CLCA4: variants seen among roughly 807,000 people sequenced by gnomAD.
CLCA4 encodes the protein chloride channel accessory 4, also known as calcium-activated chloride channel regulator 4.
In CLCA4, 69 loss-of-function variants were observed where a neutral mutation model predicts 78.9. The observed-to-expected ratio is 0.87, with a 90% CI of 0.72 to 1.07. The LOEUF (loss-of-function observed/expected upper bound fraction) is 1.07. CLCA4 is among the 50% of genes least tolerant of loss of function. CLCA4 has a pLI of 0.00. For synonymous variants in CLCA4, 362 were observed against 375.8 expected (o/e 0.96, Z 0.42); for missense variants, 1,133 against 1,095.8 (o/e 1.03, Z -0.48).
chr1:86,567,870 T>A (rs1169236267), intron 7 of CLCA4, among the ~76,000 whole-genome samples: 1 of 152,004 alleles, frequency 6.6e-6, no homozygotes, highest in African/African-American at 2.4e-5. Context: ...AATTTACCAC[T>A]CACTTACAAG....
Position 86,560,312 on chromosome 1 carries a change from C to T in CLCA4, c.402C>T (p.Thr134=), listed in dbSNP as rs1649980472. The change falls in exon 3 of 14, where the codon ACC becomes ACT. Residue 134 remains threonine (T), a synonymous_variant. Coordinates refer to ENST00000370563, the MANE Select transcript of CLCA4 (RefSeq NM_012128.4). ...AGAAAGGCGAATACATTCACTTCAC[C>T]CCTGACCTTCTACTTGGAAAAAAAC... The part of the protein sequence containing the change: ...CGEKGEYIHF[T]PDLLLGKKQN... The T allele has an allele frequency of 1.2e-6, 2 of 1,613,852 alleles. No individual in the cohort carries two copies. The highest frequency in any genetic ancestry group is 1.3e-5 in the African/African-American group (1 of 74,886).
chr1:86,561,940 A>T (rs747121636), intron 3 of CLCA4, among the ~76,000 whole-genome samples: 4 of 152,182 alleles, frequency 2.6e-5, no homozygotes, highest in Non-Finnish European at 5.9e-5. Context: ...TTGGATAAAT[A>T]ACATTAGTAA....
At chr1:86,560,728 C>T (rs1431595197) in intron 3 of CLCA4, among the ~76,000 whole-genome samples, 1 of 152,108 alleles carries the variant, frequency 6.6e-6, no homozygotes, top group Non-Finnish European at 1.5e-5. Context: ...AACAAATCAC[C>T]AGTAAGCTAC....
In CLCA4 at chr1:86,578,027, C is replaced by T. The variant is rs1372169304; in HGVS notation, c.2077C>T (p.Pro693Ser). 2 of 1,612,592 alleles carry T rather than the reference C, an allele frequency of 1.2e-6. No homozygotes were observed. The highest frequency in any genetic ancestry group is 1.7e-6 in the Non-Finnish European group (2 of 1,179,314). Reference protein sequence around the residue: ...GANTARLKLRPPLNRAAYIPG... With the variant: ...GANTARLKLRSPLNRAAYIPG... Reference sequence around the variant, plus strand: ...AAACACTGCCAGGCTAAAATTACGGCCTCCACTGAATAGAGCCGCGTACAT... The same window carrying T: ...AAACACTGCCAGGCTAAAATTACGGTCTCCACTGAATAGAGCCGCGTACAT... The change falls in exon 12 of 14, where the codon CCT becomes TCT. Residue 693 changes from proline to serine, a missense_variant. By Grantham distance (74) the Pro-to-Ser change is moderately conservative. Coordinates refer to ENST00000370563, the MANE Select transcript of CLCA4 (RefSeq NM_012128.4).
intron 1 of CLCA4, among the ~76,000 whole-genome samples, chr1:86,554,775 T>C (rs1649783303): frequency 6.6e-6 from 1 of 152,196 alleles, no homozygotes; most frequent in South Asian, 2.1e-4. Context: ...ATCACCATAT[T>C]GCTTTCCACA....
At position 86,578,005 on chromosome 1, in the gene CLCA4, C is replaced by T. The variant is rs2101820248; in HGVS notation, c.2055C>T (p.Asn685=). 6.2e-7 allele frequency: 1 copy of T among 1,612,834 alleles called. No individual in the cohort carries two copies. The highest frequency in any genetic ancestry group is 8.5e-7 in the Non-Finnish European group (1 of 1,179,368). ...SLKVRAHGGA[N]TARLKLRPPL... is the part of the protein sequence containing the mutation. ...AAGTTCGGGCTCATGGAGGAGCAAA[C>T]ACTGCCAGGCTAAAATTACGGCCTC... The change falls in exon 12 of 14, where the codon AAC becomes AAT. Residue 685 remains asparagine (N), a synonymous_variant. Transcript: ENST00000370563.
chr1:86,580,431 C>A lies in CLCA4; in HGVS notation c.*86C>A. ...ATGTAAGTAAAGGATATTTCTGAAT[C>A]TTAAAATTCATCCCATGTGTGATCA... On this transcript the variant is annotated 3_prime_UTR_variant, in exon 14 of 14. Transcript: ENST00000370563. 1 of 1,068,222 alleles carries A rather than the reference C, an allele frequency of 9.4e-7. No homozygotes were observed. Among genetic ancestry groups the A allele is most frequent in the Non-Finnish European group, 1.3e-6 (1 of 778,910 alleles). 66.2% of individuals were successfully genotyped at this position (1,068,222 alleles called of 1,614,324 possible). A position where few individuals can be genotyped will look rare whatever the true frequency, so the allele number is the denominator to read the frequency against.
chr1:86,557,485 G>A (rs931089666), intron 1 of CLCA4, among the ~76,000 whole-genome samples: 1 of 151,972 alleles, frequency 6.6e-6, no homozygotes, highest in East Asian at 1.9e-4. Flanking sequence ...AAAGTCATTC[G>A]GGAGCATGTT....
At chr1:86,563,868 T>C in intron 4 of CLCA4, 99 bp downstream of exon 4, 2 of 591,930 alleles carry the variant, frequency 3.4e-6, no homozygotes, top group Non-Finnish European at 2.9e-6. Context: ...GCAGACAATA[T>C]GTCACAAAAC....
chr1:86,548,083 T>C (rs1190705137), intron 1 of CLCA4, among the ~76,000 whole-genome samples: 2 of 152,276 alleles, frequency 1.3e-5, no homozygotes, highest in Non-Finnish European at 2.9e-5. Context: ...ATAATAGGTC[T>C]CTTTCTCCAC....
chr1:86,553,297 C>T, intron 1 of CLCA4: 1 of 695,666 alleles, frequency 1.4e-6, no homozygotes, highest in South Asian at 1.7e-5. Flanking sequence ...CCCTCCACGT[C>T]TTCCTGGTGG....
At position 86,578,074 on chromosome 1, in the gene CLCA4, T is replaced by C. The variant is rs768252871; in HGVS notation, c.2122+2T>C. The C allele has an allele frequency of 2.5e-6, 4 of 1,606,960 alleles. No homozygotes were observed. Among genetic ancestry groups the C allele is most frequent in the Non-Finnish European group, 3.4e-6 (4 of 1,176,950 alleles). ...ACATACCAGGCTGGGTAGTGAACGG[T>C]GAGTAACTCATGATATTTATAATCC... On this transcript the variant is annotated splice_donor_variant, in intron 12 of 13. Coordinates refer to ENST00000370563, the MANE Select transcript of CLCA4 (RefSeq NM_012128.4). LOFTEE classifies it high-confidence loss of function.
intron 12 of CLCA4, 85 bp downstream of exon 12, chr1:86,578,157 T>C: frequency 8.2e-7 from 1 of 1,222,620 alleles, no homozygotes; most frequent in Non-Finnish European, 1.1e-6. Context: ...ACAGGTTGAT[T>C]AAAACTCAAA....
chr1:86,553,154 G>A, intron 1 of CLCA4: 1 of 950,626 alleles, frequency 1.1e-6, no homozygotes, highest in Non-Finnish European at 1.7e-6. Flanking sequence ...CGGACCACGT[G>A]GCAATGAGGA....
chr1:86,576,279 T>C (rs1650518631), intron 11 of CLCA4, among the ~76,000 whole-genome samples: 1 of 151,972 alleles, frequency 6.6e-6, no homozygotes, highest in South Asian at 2.1e-4. Context: ...TCCTCCTATC[T>C]CAGCATCCCA....
chr1:86,550,185 C>A (rs1649613772), intron 1 of CLCA4, among the ~76,000 whole-genome samples: 1 of 152,144 alleles, frequency 6.6e-6, no homozygotes, highest in Non-Finnish European at 1.5e-5. Context: ...TTGTGGCTGC[C>A]ATTTGTCATT....
At chr1:86,579,719 TA>T (rs1329251421) in intron 13 of CLCA4, 132 bp downstream of exon 13, 7 of 743,376 alleles carry the variant, frequency 9.4e-6, no homozygotes, top group African/African-American at 8.9e-5. Flanking sequence ...TATAATCTGA[TA>T]TTTTTTAATC....
At chr1:86,565,563 T>A in intron 5 of CLCA4, 112 bp downstream of exon 5, 3 of 848,400 alleles carry the variant, frequency 3.5e-6, no homozygotes, top group Non-Finnish European at 5.5e-6. Context: ...ATAGAGTTCT[T>A]TGAACACTGG....
chr1:86,547,283 G>T lies in CLCA4; in HGVS notation c.159+5G>T. 6.4e-7 allele frequency: 1 copy of T among 1,554,554 alleles called. No homozygotes were observed. The highest frequency in any genetic ancestry group is 1.2e-5 in the South Asian group (1 of 81,364). On this transcript the variant is annotated splice_donor_5th_base_variant and intron_variant, in intron 1 of 13. Coordinates refer to ENST00000370563, the MANE Select transcript of CLCA4 (RefSeq NM_012128.4). ...AAAATAATTGAACAAATAGAGGTAA[G>T]AACAAAATGGAATATCTTTCATTAA...
Sources: allele counts gnomAD v4.1 joint callset (sites outside exome capture counted in the v4.1 genomes callset), GRCh38; gene constraint gnomAD v4.1.1; transcripts MANE v1.5; gene names NCBI Gene and HGNC (gene_info 2026-07-23, HGNC 2026-07-21).